Variants in SLC29A4 observed in about 807,000 individuals in gnomAD.
SLC29A4 encodes solute carrier family 29 member 4.
SLC29A4 carries 36 observed loss-of-function variants against 43.9 expected under a neutral mutation model. The ratio of observed to expected loss-of-function variants is 0.82; its 90% CI spans 0.63 to 1.08. The LOEUF is 1.08. Ranked by LOEUF, SLC29A4 falls within the 50% of genes least tolerant of loss-of-function variation. The pLI is 0.00. For synonymous variants in SLC29A4, 491 were observed against 338.0 expected (o/e 1.45, Z -4.97); for missense variants, 869 against 755.3 (o/e 1.15, Z -1.77).
At chr7:5,293,965 G>T (rs1171764551) in intron 5 of SLC29A4, among the ~76,000 whole-genome samples, 4 of 152,094 alleles carry the variant, frequency 2.6e-5, no homozygotes, top group African/African-American at 7.2e-5. Flanking sequence ...AATTAGCCGG[G>T]TGTGGTGGTG....
At chr7:5,300,272 A>G in intron 9 of SLC29A4, 150 bp from the exon 10 acceptor site, 1 of 1,183,402 alleles carries the variant, frequency 8.5e-7, no homozygotes, top group South Asian at 1.3e-5. Context: ...GGGCTTTTAG[A>G]GGGGTGATCC....
At chr7:5,289,621 A>G (rs1785177026) in intron 2 of SLC29A4, among the ~76,000 whole-genome samples, 1 of 152,136 alleles carries the variant, frequency 6.6e-6, no homozygotes, top group Non-Finnish European at 1.5e-5. Context: ...ACGCCTTCAC[A>G]GCAGCACCAG....
chr7:5,285,394 C>G (rs1199308553), intron 1 of SLC29A4, among the ~76,000 whole-genome samples: 2 of 152,208 alleles, frequency 1.3e-5, no homozygotes, highest in Admixed American at 6.5e-5. Context: ...CCGGGACCGC[C>G]TCTCCCCTGG....
intron 6 of SLC29A4, 73 bp downstream of exon 6, chr7:5,295,007 T>C: frequency 7.7e-7 from 1 of 1,306,056 alleles, no homozygotes; most frequent in Non-Finnish European, 1.1e-6. Flanking sequence ...TCCCAGGGAC[T>C]CCCCATGATG....
chr7:5,295,458 C>T (rs1357597677), intron 6 of SLC29A4, among the ~76,000 whole-genome samples: 2 of 152,180 alleles, frequency 1.3e-5, no homozygotes, highest in East Asian at 3.9e-4. Context: ...AAATGGCACC[C>T]CTTTGCTCAC....
intron 10 of SLC29A4, among the ~76,000 whole-genome samples, chr7:5,300,905 C>T (rs1055942107): frequency 3.3e-5 from 5 of 152,128 alleles, no homozygotes; most frequent in South Asian, 2.1e-4. Context: ...TTCAAGGCAC[C>T]GGGGACACAG....
At chr7:5,284,196 C>T (rs1470389818) in intron 1 of SLC29A4, among the ~76,000 whole-genome samples, 1 of 152,168 alleles carries the variant, frequency 6.6e-6, no homozygotes, top group African/African-American at 2.4e-5. Flanking sequence ...CCAGCTTGGG[C>T]AACAGAGCAA....
intron 3 of SLC29A4, 60 bp from the exon 4 acceptor site, chr7:5,291,064 C>G: frequency 4.4e-6 from 7 of 1,586,266 alleles, no homozygotes; most frequent in Non-Finnish European, 6.0e-6. Context: ...TCTCACCTGG[C>G]AGGAGTCAGT....
At chr7:5,290,667 C>T in intron 2 of SLC29A4, 65 bp from the exon 3 acceptor site, 1 of 1,554,880 alleles carries the variant, frequency 6.4e-7, no homozygotes. Context: ...GTGGACATCG[C>T]CCTGTGCGGT....
At chr7:5,296,060 T>A (rs1346101674) in intron 6 of SLC29A4, among the ~76,000 whole-genome samples, 1 of 151,578 alleles carries the variant, frequency 6.6e-6, no homozygotes, top group Non-Finnish European at 1.5e-5. Context: ...CTCGTGACCC[T>A]AATGGCGGCT....
In SLC29A4 at chr7:5,291,294, G is replaced by A. The variant is rs192901389; in HGVS notation, c.415+57G>A. 1,482 of 1,492,862 alleles carry A rather than the reference G, an allele frequency of 9.9e-4. 11 individuals are homozygous for A. In the African/African-American group the frequency reaches 0.018, roughly 18 times the overall value. The allele number at this position is 1,492,862 out of a possible 1,614,324, so 92.5% of individuals were successfully genotyped here. On this transcript the variant is annotated intron_variant, in intron 4 of 10. Coordinates refer to ENST00000396872, the MANE Select transcript of SLC29A4 (RefSeq NM_153247.4). ...TGTCATGGCTTCCACCTGCCTGGCCGGTCACCCACTCACCCAGTTTCCCTG... is the reference window on the plus strand; with the variant it reads ...TGTCATGGCTTCCACCTGCCTGGCCAGTCACCCACTCACCCAGTTTCCCTG...
intron 8 of SLC29A4, 53 bp from the exon 9 acceptor site, chr7:5,299,187 C>T (rs1785952193): frequency 9.4e-6 from 15 of 1,597,470 alleles, no homozygotes; most frequent in Non-Finnish European, 1.3e-5. Context: ...GTGGGGGAGG[C>T]AGGCAGGGGT....
chr7:5,292,991 A>G (rs60399347), intron 5 of SLC29A4, among the ~76,000 whole-genome samples: 44,770 of 146,260 alleles, frequency 0.31, 7,640 homozygotes, highest in African/African-American at 0.48. Context: ...GAGCCACCGC[A>G]CCCCGCCCCG....
intron 3 of SLC29A4, 73 bp downstream of exon 3, chr7:5,290,936 G>A (rs543066910): frequency 1.9e-5 from 29 of 1,557,396 alleles, no homozygotes; most frequent in East Asian, 6.8e-5. Context: ...AGAAACCCCC[G>A]GCGGGGAGGG....
At chr7:5,283,461 C>T (rs1368759125) in intron 1 of SLC29A4, among the ~76,000 whole-genome samples, 3 of 150,490 alleles carry the variant, frequency 2.0e-5, no homozygotes, top group Admixed American at 2.0e-4. Flanking sequence ...AGAGGCGGGG[C>T]CTGGGCTCCG....
intron 1 of SLC29A4, among the ~76,000 whole-genome samples, 178 bp from the exon 2 acceptor site, chr7:5,287,631 C>T (rs191759030): frequency 2.7e-4 from 41 of 152,302 alleles, no homozygotes; most frequent in African/African-American, 9.9e-4. Flanking sequence ...AACCTCACAT[C>T]CAGTCCTGTT....
At chr7:5,300,701 A>G in intron 10 of SLC29A4, 39 bp downstream of exon 10, 1 of 1,594,144 alleles carries the variant, frequency 6.3e-7, no homozygotes, top group Non-Finnish European at 8.5e-7. Flanking sequence ...GCGTCCTCCC[A>G]GCAGCGCAAT....
chr7:5,301,133 G>A (rs540986390), intron 10 of SLC29A4, among the ~76,000 whole-genome samples: 8 of 152,160 alleles, frequency 5.3e-5, no homozygotes, highest in Non-Finnish European at 7.4e-5. Flanking sequence ...GTATGGTAGC[G>A]TGCGCCTATG....
intron 2 of SLC29A4, among the ~76,000 whole-genome samples, chr7:5,288,623 A>G (rs1186045595): frequency 6.6e-6 from 1 of 151,862 alleles, no homozygotes; most frequent in Non-Finnish European, 1.5e-5. Flanking sequence ...CTGGAGTGAC[A>G]CATGTCACTT....
Sources: allele counts gnomAD v4.1 joint callset (sites outside exome capture counted in the v4.1 genomes callset), GRCh38; gene constraint gnomAD v4.1.1; transcripts MANE v1.5; gene names NCBI Gene and HGNC (gene_info 2026-07-23, HGNC 2026-07-21).